Variants in RPTOR observed in about 807,000 individuals in gnomAD.
RPTOR encodes regulatory-associated protein of mTOR.
A neutral mutation model predicts 169.9 loss-of-function variants in RPTOR; 21 were observed. The observed-to-expected ratio is 0.12, with a 90% CI of 0.09 to 0.18. The LOEUF (loss-of-function observed/expected upper bound fraction) is 0.18. RPTOR is among the 10% of genes least tolerant of loss of function. RPTOR has a pLI of 1.00. For synonymous variants in RPTOR, 732 were observed against 753.2 expected (o/e 0.97, Z 0.46); for missense variants, 1,133 against 1,855.9 (o/e 0.61, Z 7.16).
At chr17:80,598,373 G>C (rs962086518) in intron 1 of RPTOR, among the ~76,000 whole-genome samples, 1 of 152,176 alleles carries the variant, frequency 6.6e-6, no homozygotes, top group African/African-American at 2.4e-5. Context: ...GGCAGCCCAA[G>C]ATAACAAATG....
chr17:80,641,323 A>G (rs979768552), intron 2 of RPTOR, among the ~76,000 whole-genome samples: 4 of 152,238 alleles, frequency 2.6e-5, no homozygotes, highest in Non-Finnish European at 5.9e-5. Flanking sequence ...AGAGGTGTCC[A>G]TTGAATTAGA....
chr17:80,739,132 G>A (rs549347669), intron 5 of RPTOR, among the ~76,000 whole-genome samples: 3 of 152,364 alleles, frequency 2.0e-5, no homozygotes, highest in South Asian at 2.1e-4. Flanking sequence ...GCTTGCTGTC[G>A]CGGGAACACC....
rs2066026601 is a variant in RPTOR at position 80,695,251 on chromosome 17, C to T, written c.349-12590C>T. On this transcript the variant is annotated intron_variant, in intron 3 of 33. Coordinates refer to ENST00000306801, the MANE Select transcript of RPTOR (RefSeq NM_020761.3). This position sits in a 1 kb window ranked among gnomAD's most constrained non-coding sequence, Gnocchi z 4.9. The stretch of plus-strand genomic sequence containing the variant: ...TCACTCACCCCCACATTGTCTGCCA[C>T]GGGGGCCCGAGCATTTCCACACGAG... 6.6e-6 allele frequency among the ~76,000 whole-genome samples: 1 copy of T among 152,204 alleles called. No individual in the cohort carries two copies. The highest frequency in any genetic ancestry group is 2.4e-5 in the African/African-American group (1 of 41,444).
intron 4 of RPTOR, among the ~76,000 whole-genome samples, chr17:80,718,703 T>C (rs1054701849): frequency 1.3e-5 from 2 of 152,120 alleles, no homozygotes; most frequent in African/African-American, 4.8e-5. Context: ...ACCAGCATGG[T>C]ATTCATTGGA....
intron 4 of RPTOR, among the ~76,000 whole-genome samples, chr17:80,717,101 T>C (rs2143139732): frequency 6.6e-6 from 1 of 152,322 alleles, no homozygotes; most frequent in East Asian, 1.9e-4. Context: ...TCTAATTCTG[T>C]GAAGAATGAT....
intron 3 of RPTOR, among the ~76,000 whole-genome samples, chr17:80,679,619 G>T (rs1383463421): frequency 6.6e-6 from 1 of 152,050 alleles, no homozygotes; most frequent in Non-Finnish European, 1.5e-5. Flanking sequence ...ATTATTCTGA[G>T]AATAGCTTAT....
In RPTOR at chr17:80,719,600, C is replaced by T. The variant is rs146480779; in HGVS notation, c.508-10960C>T. On this transcript the variant is annotated intron_variant, in intron 4 of 33. Coordinates refer to ENST00000306801, the MANE Select transcript of RPTOR (RefSeq NM_020761.3). ...CAGCTTTCCCTGGACTAAAGATGGACTTGTGCCACCATTCTCAGAGGAGGG... is the reference window on the plus strand; with the variant it reads ...CAGCTTTCCCTGGACTAAAGATGGATTTGTGCCACCATTCTCAGAGGAGGG... Among the ~76,000 whole-genome samples, 28 of 152,320 alleles carry T rather than the reference C, an allele frequency of 1.8e-4. No individual in the cohort carries two copies. In the East Asian group the frequency reaches 5.4e-3, roughly 29 times the overall value.
chr17:80,822,669 G>A (rs1249506064), intron 8 of RPTOR, among the ~76,000 whole-genome samples: 1 of 152,188 alleles, frequency 6.6e-6, no homozygotes, highest in Non-Finnish European at 1.5e-5. Context: ...GGTTGATTTG[G>A]GGTGTTTGTT....
chr17:80,867,490 G>T (rs1457929515), intron 13 of RPTOR, among the ~76,000 whole-genome samples: 1 of 152,166 alleles, frequency 6.6e-6, no homozygotes, highest in Non-Finnish European at 1.5e-5. Context: ...GAAGCCATCT[G>T]TTCTTGTCAC....
intron 21 of RPTOR, among the ~76,000 whole-genome samples, chr17:80,912,074 T>C (rs1476310429): frequency 1.3e-5 from 2 of 152,222 alleles, no homozygotes; most frequent in Non-Finnish European, 2.9e-5. Flanking sequence ...AGACTCTAAA[T>C]AGCCTCTACC....
intron 5 of RPTOR, among the ~76,000 whole-genome samples, chr17:80,741,790 T>A (rs767466617): frequency 6.6e-5 from 10 of 152,110 alleles, no homozygotes; most frequent in Non-Finnish European, 5.9e-5. Context: ...AGCCCCCATG[T>A]GGTTCGTGTG....
At position 80,754,250 on chromosome 17, in the gene RPTOR, C is replaced by T. The variant is rs2066658210; in HGVS notation, c.830+65C>T. 3 of 1,468,222 alleles carry T rather than the reference C, an allele frequency of 2.0e-6. No homozygotes were observed. The highest frequency in any genetic ancestry group is 4.3e-5 in the Admixed American group (2 of 46,662). 90.9% of individuals were successfully genotyped at this position (1,468,222 alleles called of 1,614,324 possible). On this transcript the variant is annotated intron_variant, in intron 6 of 33. Coordinates refer to ENST00000306801, the MANE Select transcript of RPTOR (RefSeq NM_020761.3). This position sits in a 1 kb window ranked among gnomAD's most constrained non-coding sequence, Gnocchi z 4.2. ...GGGCTCTCCCGCAGGGACCCCAACC[C>T]ATGTGGGCCCCAGGCATTCACCTGG...
rs2066147565 is a variant in RPTOR at position 80,707,089 on chromosome 17, G to C, written c.349-752G>C. 6.6e-6 allele frequency among the ~76,000 whole-genome samples: 1 copy of C among 152,136 alleles called. No homozygotes were observed. The highest frequency in any genetic ancestry group is 1.5e-5 in the Non-Finnish European group (1 of 68,030). Reference sequence around the variant, plus strand: ...AGATTCTGCTCATTCAGGGTTAAGGGCCCAGGCAGGAGGCGGAGGGAGGAG... The same window carrying C: ...AGATTCTGCTCATTCAGGGTTAAGGCCCCAGGCAGGAGGCGGAGGGAGGAG... On this transcript the variant is annotated intron_variant, in intron 3 of 33. Coordinates refer to ENST00000306801, the MANE Select transcript of RPTOR (RefSeq NM_020761.3). The surrounding 1 kb of genome is among the most constrained non-coding windows in gnomAD (Gnocchi z 5.0).
intron 21 of RPTOR, among the ~76,000 whole-genome samples, chr17:80,922,364 G>A (rs931483496): frequency 1.3e-5 from 2 of 152,156 alleles, no homozygotes; most frequent in Admixed American, 6.5e-5. Flanking sequence ...CACTGAGGCC[G>A]CCAGGAGCCG....
At chr17:80,589,392 C>T (rs72856572) in intron 1 of RPTOR, among the ~76,000 whole-genome samples, 1 of 152,114 alleles carries the variant, frequency 6.6e-6, no homozygotes, top group Non-Finnish European at 1.5e-5. Context: ...AAAAGCACAT[C>T]TCCCCATTTG....
intron 6 of RPTOR, among the ~76,000 whole-genome samples, chr17:80,758,745 C>G (rs1373532423): frequency 6.6e-6 from 1 of 152,040 alleles, no homozygotes; most frequent in Non-Finnish European, 1.5e-5. Flanking sequence ...GAATCAACAC[C>G]ACACCAGCTC....
intron 29 of RPTOR, among the ~76,000 whole-genome samples, chr17:80,958,070 G>A (rs1011918517): frequency 2.6e-5 from 4 of 151,792 alleles, no homozygotes; most frequent in Non-Finnish European, 5.9e-5. Context: ...TTATTTGGAG[G>A]CGTTTTTTTT....
chr17:80,724,263 C>A (rs1458523176), intron 4 of RPTOR, among the ~76,000 whole-genome samples: 1 of 151,096 alleles, frequency 6.6e-6, no homozygotes, highest in Admixed American at 6.6e-5. Flanking sequence ...AGTGAGAAGC[C>A]AGGCCATGTC....
chr17:80,614,051 G>A (rs1388064589), intron 1 of RPTOR, among the ~76,000 whole-genome samples: 1 of 152,146 alleles, frequency 6.6e-6, no homozygotes, highest in Non-Finnish European at 1.5e-5. Flanking sequence ...TCATTGTCCT[G>A]TCCCTTCCTG....
Sources: gnomAD v4.1 joint callset for allele counts (sites outside exome capture counted in the v4.1 genomes callset) on GRCh38, gnomAD v4.1.1 for gene constraint, Gnocchi (gnomAD v3.1) non-coding constraint, MANE v1.5 for transcripts, NCBI Gene and HGNC (gene_info 2026-07-23, HGNC 2026-07-21) for gene names.